Variants in GOLGA1 observed in about 807,000 individuals in gnomAD.
GOLGA1 encodes golgin subfamily A member 1.
In GOLGA1, 63 loss-of-function variants were observed where a neutral mutation model predicts 119.7. The ratio of observed to expected loss-of-function variants is 0.53; its 90% CI spans 0.43 to 0.65. The LOEUF (loss-of-function observed/expected upper bound fraction) is 0.65. Among genes scored for constraint, GOLGA1 ranks in the 30% least tolerant of loss-of-function variants. The pLI is 0.00. For synonymous variants in GOLGA1, 318 were observed against 333.4 expected (o/e 0.95, Z 0.50); for missense variants, 798 against 912.8 (o/e 0.87, Z 1.62).
chr9:124,907,634 A>G (rs1830260577), intron 12 of GOLGA1, among the ~76,000 whole-genome samples: 1 of 152,226 alleles, frequency 6.6e-6, no homozygotes, highest in Non-Finnish European at 1.5e-5. Context: ...CAAAGAAAAT[A>G]AGGAAAGGAT....
At chr9:124,884,236 T>C (rs569651976) in intron 19 of GOLGA1, among the ~76,000 whole-genome samples, 233 of 145,678 alleles carry the variant, frequency 1.6e-3, no homozygotes, top group African/African-American at 5.3e-3. Context: ...GGTCTCGAAC[T>C]CCTGGCCTCA....
chr9:124,934,874 C>CCGT (rs1379284268), intron 3 of GOLGA1, among the ~76,000 whole-genome samples: 4 of 152,104 alleles, frequency 2.6e-5, no homozygotes, highest in Non-Finnish European at 5.9e-5. Flanking sequence ...TGGCAAAACT[C>CCGT]CGTCGCTACA....
intron 5 of GOLGA1, 26 bp from the exon 6 acceptor site, chr9:124,928,311 G>T (rs781061383): frequency 8.7e-6 from 11 of 1,262,764 alleles, no homozygotes; most frequent in African/African-American, 1.5e-5. Context: ...CTCTATTTGA[G>T]ATATGAAAAC....
chr9:124,902,604 C>T (rs1313786164), intron 12 of GOLGA1, among the ~76,000 whole-genome samples: 1 of 152,026 alleles, frequency 6.6e-6, no homozygotes, highest in Non-Finnish European at 1.5e-5. Flanking sequence ...ATTTTCCTGC[C>T]TCAGCCTCCT....
chr9:124,925,140 G>C (rs1340764227), intron 7 of GOLGA1, among the ~76,000 whole-genome samples: 1 of 151,202 alleles, frequency 6.6e-6, no homozygotes, highest in Non-Finnish European at 1.5e-5. Flanking sequence ...ACAAAACAAA[G>C]AGAAAATTCC....
At chr9:124,903,403 G>T (rs921578947) in intron 12 of GOLGA1, among the ~76,000 whole-genome samples, 2 of 151,992 alleles carry the variant, frequency 1.3e-5, no homozygotes, top group African/African-American at 4.8e-5. Context: ...GCTTAAACCT[G>T]CGGGGTGGGG....
chr9:124,944,692 A>G (rs946379170), upstream of GOLGA1: 1 of 152,150 alleles, frequency 6.6e-6, no homozygotes, highest in Non-Finnish European at 1.5e-5. Context: ...TTAAAAATAC[A>G]GTGGTTATCC....
At chr9:124,922,496 G>A (rs992923960) in intron 8 of GOLGA1, among the ~76,000 whole-genome samples, 3 of 147,860 alleles carry the variant, frequency 2.0e-5, no homozygotes, top group Non-Finnish European at 4.5e-5. Flanking sequence ...GGCTGCAGTG[G>A]GCCATGATCA....
intron 7 of GOLGA1, among the ~76,000 whole-genome samples, chr9:124,925,792 T>C (rs926600413): frequency 3.9e-5 from 6 of 152,150 alleles, no homozygotes; most frequent in Non-Finnish European, 8.8e-5. Flanking sequence ...TGGTGTTTTA[T>C]GGAAAAAAAA....
intron 15 of GOLGA1, among the ~76,000 whole-genome samples, chr9:124,893,037 A>C (rs1209587339): frequency 6.6e-6 from 1 of 151,784 alleles, no homozygotes; most frequent in African/African-American, 2.4e-5. Flanking sequence ...TTCTTGCTCT[A>C]TCACCCAGGC....
In GOLGA1 at chr9:124,908,405, G is replaced by C. The variant is rs1286618701; in HGVS notation, c.1037C>G (p.Ala346Gly). ...AGTCTCCAGGGTGTTAATGGCCTTA[G>C]CCTGGCTGCTTCTGGCTGCCAAGAG... ...QQLLAARSSQ[A>G]KAINTLETRV... The change falls in exon 12 of 23, where the codon GCT (alanine) becomes GGT (glycine). Residue 346 changes from alanine (A) to glycine (G), a missense_variant. Physicochemically the swap from Ala to Gly is moderately conservative, Grantham distance 60 (BLOSUM62 0). Coordinates refer to ENST00000373555, the MANE Select transcript of GOLGA1 (RefSeq NM_002077.4). The C allele has an allele frequency of 6.2e-7, 1 of 1,608,250 alleles. No homozygotes were observed. The highest frequency in any genetic ancestry group is 8.5e-7 in the Non-Finnish European group (1 of 1,174,580).
In GOLGA1 at chr9:124,898,533, T is replaced by C; in HGVS notation, c.1407+16A>G. Reference sequence around the variant, plus strand: ...ATGAACACTTTTATGAAACTTTGATTCAATTAGATAAATACCTTCAGCTTC... The same window carrying C: ...ATGAACACTTTTATGAAACTTTGATCCAATTAGATAAATACCTTCAGCTTC... On this transcript the variant is annotated intron_variant, in intron 15 of 22. Coordinates refer to ENST00000373555, the MANE Select transcript of GOLGA1 (RefSeq NM_002077.4). The C allele has an allele frequency of 7.2e-7, 1 of 1,391,610 alleles. No homozygotes were observed. The highest frequency in any genetic ancestry group is 1.0e-6 in the Non-Finnish European group (1 of 981,394). The allele number at this position is 1,391,610 out of a possible 1,614,324, so 86.2% of individuals were successfully genotyped here. A position where few individuals can be genotyped will look rare whatever the true frequency, so the allele number is the denominator to read the frequency against.
chr9:124,907,913 T>C (rs759587214), intron 12 of GOLGA1, among the ~76,000 whole-genome samples: 2 of 152,196 alleles, frequency 1.3e-5, no homozygotes, highest in Admixed American at 1.3e-4. Flanking sequence ...TTAGTCTCTT[T>C]AGGTTTTATG....
At chr9:124,941,419 G>C (rs953379211), upstream of GOLGA1, among the ~76,000 whole-genome samples, 1 of 152,246 alleles carries the variant, frequency 6.6e-6, no homozygotes, top group Non-Finnish European at 1.5e-5. Context: ...CCGCTGTGCT[G>C]TGCTGGCTAC....
chr9:124,904,266 C>T (rs936875237), intron 12 of GOLGA1, among the ~76,000 whole-genome samples: 1 of 151,952 alleles, frequency 6.6e-6, no homozygotes, highest in Admixed American at 6.6e-5. Context: ...AATGGTGGTT[C>T]CCAGACTGGG....
intron 4 of GOLGA1, among the ~76,000 whole-genome samples, chr9:124,930,097 CTAT>C (rs1390309304): frequency 6.6e-6 from 1 of 152,096 alleles, no homozygotes; most frequent in Non-Finnish European, 1.5e-5. Context: ...GTTACTGTGA[CTAT>C]TATCATTACT....
At chr9:124,947,051 G>A (rs983685179) in intron 1 of GOLGA1, 1 of 152,064 alleles carries the variant, frequency 6.6e-6, no homozygotes, top group African/African-American at 2.4e-5. Flanking sequence ...CTGCCTCATA[G>A]AGACACATAA....
chr9:124,900,681 C>A (rs1830085788), intron 12 of GOLGA1, 134 bp from the exon 13 acceptor site: 2 of 525,738 alleles, frequency 3.8e-6, no homozygotes, highest in Non-Finnish European at 6.8e-6. Context: ...AAAGATACTG[C>A]ATAAGTCTAC....
In GOLGA1 at chr9:124,888,494, T is replaced by C. The variant is rs951737500; in HGVS notation, c.1762-98A>G. The C allele has an allele frequency of 4.6e-6, 5 of 1,080,864 alleles. No individual in the cohort carries two copies. The African/African-American group carries it at 4.7e-5, about 10-fold the overall frequency. 67.0% of individuals were successfully genotyped at this position (1,080,864 alleles called of 1,614,324 possible). A position where few individuals can be genotyped will look rare whatever the true frequency, so the allele number is the denominator to read the frequency against. Reference sequence around the variant, plus strand: ...GGGAGCTAGACTCGTCCCTTAGGTATGGGCGTTGTGCTCCAACAGGCAACT... The same window carrying C: ...GGGAGCTAGACTCGTCCCTTAGGTACGGGCGTTGTGCTCCAACAGGCAACT... On this transcript the variant is annotated intron_variant, in intron 18 of 22. Transcript: ENST00000373555. The surrounding 1 kb of genome is among the most constrained non-coding windows in gnomAD (Gnocchi z 4.4).
Sources: allele counts gnomAD v4.1 joint callset (sites outside exome capture counted in the v4.1 genomes callset), GRCh38; gene constraint gnomAD v4.1.1; non-coding constraint Gnocchi (gnomAD v3.1); transcripts MANE v1.5; gene names NCBI Gene and HGNC (gene_info 2026-07-23, HGNC 2026-07-21).